Variants in PABPC4L observed in about 807,000 individuals in gnomAD.
PABPC4L encodes the protein polyadenylate-binding protein 4-like.
For missense variants in PABPC4L, 452 were observed against 451.4 expected (o/e 1.00, Z -0.01); for synonymous variants, 169 against 164.1 (o/e 1.03, Z -0.23).
the PABPC4L span, among the ~76,000 whole-genome samples, chr4:134,078,664 T>C: frequency 6.6e-6 from 1 of 150,706 alleles, no homozygotes; most frequent in African/African-American, 2.4e-5. Flanking sequence ...TTTTTTTTTT[T>C]TTTTCAGACG....
At chr4:134,111,967 T>C in the PABPC4L span, among the ~76,000 whole-genome samples, 1 of 151,994 alleles carries the variant, frequency 6.6e-6, no homozygotes, top group Admixed American at 6.6e-5. Context: ...AAAATCTTGA[T>C]GGTTTGAGAA....
chr4:134,191,688 AC>A (rs1440047473), downstream of PABPC4L, among the ~76,000 whole-genome samples: 1 of 152,098 alleles, frequency 6.6e-6, no homozygotes, highest in Admixed American at 6.6e-5. Flanking sequence ...ATCAATGAAA[AC>A]AAAAACACAA....
the PABPC4L span, among the ~76,000 whole-genome samples, chr4:134,175,419 T>A: frequency 1.3e-5 from 2 of 150,800 alleles, no homozygotes; most frequent in Admixed American, 1.3e-4. Flanking sequence ...ATTTAATTTA[T>A]TTTTTAAATT....
At chr4:134,016,606 C>A in the PABPC4L span, among the ~76,000 whole-genome samples, 3 of 152,168 alleles carry the variant, frequency 2.0e-5, no homozygotes, top group African/African-American at 7.2e-5. Context: ...AAACTTCCAC[C>A]TATCAATCTT....
chr4:134,183,000 T>G, the PABPC4L span, among the ~76,000 whole-genome samples: 1 of 152,038 alleles, frequency 6.6e-6, no homozygotes, highest in East Asian at 1.9e-4. Context: ...ACTTATGCAC[T>G]GCTTGTGGGA....
the PABPC4L span, among the ~76,000 whole-genome samples, chr4:133,955,147 T>A: frequency 1.3e-5 from 2 of 152,146 alleles, no homozygotes; most frequent in African/African-American, 4.8e-5. Flanking sequence ...AACAGGCTTA[T>A]GGAACATTGT....
chr4:134,056,130 T>A, the PABPC4L span, among the ~76,000 whole-genome samples: 1 of 151,994 alleles, frequency 6.6e-6, no homozygotes, highest in Admixed American at 6.6e-5. Context: ...TGGGCATATT[T>A]ATATCGGCCT....
chr4:134,085,102 T>C, the PABPC4L span, among the ~76,000 whole-genome samples: 1 of 151,960 alleles, frequency 6.6e-6, no homozygotes, highest in Non-Finnish European at 1.5e-5. Context: ...AGGTGGACAT[T>C]ATTCACGAAG....
chr4:134,005,993 T>A, the PABPC4L span, among the ~76,000 whole-genome samples: 4 of 152,056 alleles, frequency 2.6e-5, no homozygotes, highest in African/African-American at 9.6e-5. Flanking sequence ...TAAATTTCAA[T>A]GCAGACATGA....
the PABPC4L span, among the ~76,000 whole-genome samples, chr4:133,961,841 G>A: frequency 6.6e-6 from 1 of 152,132 alleles, no homozygotes; most frequent in East Asian, 1.9e-4. Flanking sequence ...TCAGGCTAGA[G>A]GCTCACCATT....
chr4:133,983,602 G>A, the PABPC4L span, among the ~76,000 whole-genome samples: 121 of 151,920 alleles, frequency 8.0e-4, no homozygotes, highest in African/African-American at 2.8e-3. Context: ...CAGCAAGTAT[G>A]CCACAGCCTT....
chr4:134,108,157 AG>A, the PABPC4L span, among the ~76,000 whole-genome samples: 6 of 151,732 alleles, frequency 4.0e-5, no homozygotes, highest in South Asian at 1.2e-3. Context: ...ATACAGAAAA[AG>A]GTACATATGC....
At chr4:133,975,375 C>A in the PABPC4L span, among the ~76,000 whole-genome samples, 1 of 151,884 alleles carries the variant, frequency 6.6e-6, no homozygotes, top group East Asian at 1.9e-4. Flanking sequence ...TATTGGGTTT[C>A]TTTTTGGGTG....
chr4:134,105,438 G>C, the PABPC4L span, among the ~76,000 whole-genome samples: 1 of 151,512 alleles, frequency 6.6e-6, no homozygotes, highest in Non-Finnish European at 1.5e-5. Flanking sequence ...TTCCTGTTAT[G>C]TATTTTCTAT....
chr4:134,045,368 G>T, the PABPC4L span, among the ~76,000 whole-genome samples: 7 of 152,018 alleles, frequency 4.6e-5, 1 homozygote, highest in Non-Finnish European at 1.0e-4. Context: ...CTACATTTCG[G>T]TTTGGAAGTG....
chr4:134,180,542 A>G, the PABPC4L span, among the ~76,000 whole-genome samples: 3 of 151,856 alleles, frequency 2.0e-5, no homozygotes, highest in Admixed American at 1.3e-4. Context: ...AGAGCTGACC[A>G]GAGGAAACTG....
chr4:133,954,288 C>T, the PABPC4L span, among the ~76,000 whole-genome samples: 138 of 152,256 alleles, frequency 9.1e-4, no homozygotes, highest in African/African-American at 2.9e-3. Context: ...CTCTTTACTA[C>T]GCTCTTTTTC....
downstream of PABPC4L, among the ~76,000 whole-genome samples, chr4:134,195,336 G>C (rs1279966307): frequency 1.3e-5 from 2 of 151,636 alleles, no homozygotes; most frequent in Non-Finnish European, 3.0e-5. Flanking sequence ...TCAAAATTGT[G>C]ATGCCCTACA....
At chr4:134,084,511 A>G in the PABPC4L span, among the ~76,000 whole-genome samples, 1 of 152,118 alleles carries the variant, frequency 6.6e-6, no homozygotes, top group Non-Finnish European at 1.5e-5. Context: ...TAAAAAAAAG[A>G]TTATTTAGAA....
Sources: allele counts gnomAD v4.1 joint callset (sites outside exome capture counted in the v4.1 genomes callset), GRCh38; gene constraint gnomAD v4.1.1; transcripts MANE v1.5; gene names NCBI Gene and HGNC (gene_info 2026-07-23, HGNC 2026-07-21).